The following DLG1 variants were observed in gnomAD, a reference collection of about 807,000 sequenced individuals.
DLG1 encodes the protein discs large MAGUK scaffold protein 1.
A neutral mutation model predicts 123.4 loss-of-function variants in DLG1; 42 were observed. That is an observed-to-expected ratio of 0.34 (90% CI 0.27 to 0.44). DLG1 has a LOEUF of 0.44. DLG1 is among the 20% of genes least tolerant of loss of function. The probability of loss-of-function intolerance (pLI) is 1.00; values close to 1 mark genes in which losing one functional copy is unlikely to be tolerated. For missense variants in DLG1, 942 were observed against 1,082.6 expected (o/e 0.87, Z 1.82); for synonymous variants, 317 against 356.2 (o/e 0.89, Z 1.24).
intron 4 of DLG1, among the ~76,000 whole-genome samples, chr3:197,234,414 A>C (rs1038736946): frequency 6.6e-5 from 10 of 152,348 alleles, no homozygotes; most frequent in East Asian, 1.9e-4. Context: ...GGATGAATTT[A>C]GGAGTAGAGT....
chr3:197,059,892 A>AT lies in DLG1; in HGVS notation c.2479dup (p.Ile827AsnfsTer6), dbSNP rs1380358812. The AT allele has an allele frequency of 6.2e-7, 1 of 1,607,454 alleles. No individual in the cohort carries two copies. ...TGCCTTAGGCATTTACACTTACATG[A>AT]TATTTTCCATGGATTTGGGTTTAAT... On this transcript the variant is annotated frameshift_variant, in exon 23 of 25. Coordinates refer to ENST00000667157, the MANE Select transcript of DLG1 (RefSeq NM_001366207.1). LOFTEE classifies it high-confidence loss of function.
intron 18 of DLG1, among the ~76,000 whole-genome samples, chr3:197,072,427 G>A (rs180822030): frequency 3.0e-4 from 45 of 152,114 alleles, no homozygotes; most frequent in Admixed American, 2.2e-3. Context: ...CACTCTCTCC[G>A]TCATGGGTTT....
At position 197,111,021 on chromosome 3, in the gene DLG1, G is replaced by T. The variant is rs752234718; in HGVS notation, c.1443+4906C>A. ...ACACGGAGGTTTTCAAAGGCCTTAT[G>T]GAGAATTCACTCCTCCAATTTTCCT... On this transcript the variant is annotated intron_variant, in intron 13 of 24. Transcript: ENST00000667157. Among the ~76,000 whole-genome samples the T allele has an allele frequency of 2.4e-4, 37 of 152,260 alleles. 1 individual carries two copies. The Middle Eastern group carries it at 0.02, about 84-fold the overall frequency.
At chr3:197,092,390 G>A (rs1355950713) in intron 14 of DLG1, among the ~76,000 whole-genome samples, 1 of 152,192 alleles carries the variant, frequency 6.6e-6, no homozygotes, top group Non-Finnish European at 1.5e-5. Flanking sequence ...TTACAACAGT[G>A]AATTAGACCA....
intron 4 of DLG1, among the ~76,000 whole-genome samples, chr3:197,204,843 C>T (rs926305528): frequency 1.3e-5 from 2 of 152,090 alleles, no homozygotes; most frequent in Non-Finnish European, 2.9e-5. Context: ...TTTTGGTATC[C>T]TGAACCCAAT....
intron 4 of DLG1, among the ~76,000 whole-genome samples, chr3:197,266,164 A>G (rs536668430): frequency 5.3e-5 from 8 of 152,324 alleles, no homozygotes; most frequent in African/African-American, 1.9e-4. Flanking sequence ...CTAGGCCCCC[A>G]AAAGGTAAAA....
chr3:197,277,563 A>G (rs1030656372), intron 4 of DLG1, among the ~76,000 whole-genome samples: 3 of 151,190 alleles, frequency 2.0e-5, no homozygotes, highest in African/African-American at 7.3e-5. Context: ...CTGGTCTTGA[A>G]CTCCTGACCT....
At chr3:197,224,573 C>T (rs1000915943) in intron 4 of DLG1, among the ~76,000 whole-genome samples, 4 of 152,050 alleles carry the variant, frequency 2.6e-5, no homozygotes, top group African/African-American at 4.8e-5. Context: ...ACAACCAATA[C>T]GAATGTTAAA....
intron 24 of DLG1, among the ~76,000 whole-genome samples, chr3:197,045,053 A>C (rs1310255830): frequency 1.3e-5 from 2 of 152,048 alleles, no homozygotes; most frequent in Non-Finnish European, 2.9e-5. Flanking sequence ...CCATAAACAT[A>C]TGTAGAAAAA....
rs71623339 is a variant in DLG1, at chr3:197,158,634, CAAAAAAAA to C, written c.484-8846_484-8839del. Among the ~76,000 whole-genome samples, 47 of 67,494 alleles carry C rather than the reference CAAAAAAAA, an allele frequency of 7.0e-4. 1 individual carries two copies. In the East Asian group the frequency reaches 0.021, roughly 30 times the overall value. 44.3% of individuals were successfully genotyped at this position (67,494 alleles called of 152,430 possible). A position where few individuals can be genotyped will look rare whatever the true frequency, so the allele number is the denominator to read the frequency against. On this transcript the variant is annotated intron_variant, in intron 5 of 24. Coordinates refer to ENST00000667157, the MANE Select transcript of DLG1 (RefSeq NM_001366207.1). ...GGGTAACAAGAGCAAAACTCCATTTCAAAAAAAAAAAAAAAAAAAAAAAGCCCAGAGGC... is the reference window on the plus strand; with the variant it reads ...GGGTAACAAGAGCAAAACTCCATTTCAAAAAAAAAAAAAAAGCCCAGAGGC...
chr3:197,171,377 G>C (rs548225653), intron 5 of DLG1, among the ~76,000 whole-genome samples: 5 of 152,224 alleles, frequency 3.3e-5, no homozygotes, highest in Admixed American at 2.6e-4. Flanking sequence ...AGCCGGTATA[G>C]TAAAAAACCA....
At chr3:197,273,218 G>A (rs187515309) in intron 4 of DLG1, among the ~76,000 whole-genome samples, 119 of 150,596 alleles carry the variant, frequency 7.9e-4, no homozygotes, top group Non-Finnish European at 1.4e-3. Flanking sequence ...GTGTATGTGT[G>A]TGTATATATA....
chr3:197,044,666 T>G lies in DLG1; in HGVS notation c.2639A>C (p.Gln880Pro), dbSNP rs776026149. ...YNQVKQIIEEQSGSYIWVPAK... is the reference protein window; with the variant it reads ...YNQVKQIIEEPSGSYIWVPAK... ...CGGAACCCAGATGTAAGAACCAGAT[T>G]GTTCTTCTATGATCTGTTTCACTTG... The change falls in exon 25 of 25, where the codon CAA becomes CCA. Residue 880 changes from glutamine (Q) to proline (P), a missense_variant. By Grantham distance (76) the Gln-to-Pro change is moderately conservative. Coordinates refer to ENST00000667157, the MANE Select transcript of DLG1 (RefSeq NM_001366207.1). The G allele has an allele frequency of 2.4e-5, 38 of 1,610,816 alleles. No homozygotes were observed. The highest frequency in any genetic ancestry group is 3.2e-5 in the Non-Finnish European group (38 of 1,178,222).
chr3:197,184,016 T>C (rs1476297793), intron 5 of DLG1: 9 of 1,337,492 alleles, frequency 6.7e-6, no homozygotes, highest in South Asian at 2.1e-5. Flanking sequence ...GTTAGCTGTA[T>C]GATGGCTGAG....
chr3:197,278,884 C>T (rs1767852745), intron 4 of DLG1, among the ~76,000 whole-genome samples: 1 of 152,140 alleles, frequency 6.6e-6, no homozygotes, highest in Admixed American at 6.5e-5. Context: ...CAAAAGCAAA[C>T]ATGAAGTCAA....
rs71623339 is a variant in DLG1, at chr3:197,158,634, C to CAAAAAAAAAAAAAAAAAAAAAAAA, written c.484-8839_484-8838insTTTTTTTTTTTTTTTTTTTTTTTT. On this transcript the variant is annotated intron_variant, in intron 5 of 24. Coordinates refer to ENST00000667157, the MANE Select transcript of DLG1 (RefSeq NM_001366207.1). ...GGGTAACAAGAGCAAAACTCCATTT[C>CAAAAAAAAAAAAAAAAAAAAAAAA]AAAAAAAAAAAAAAAAAAAAAAAGC... Among the ~76,000 whole-genome samples the CAAAAAAAAAAAAAAAAAAAAAAAA allele has an allele frequency of 4.3e-4, 29 of 67,488 alleles. 1 individual carries two copies. Among genetic ancestry groups the CAAAAAAAAAAAAAAAAAAAAAAAA allele is most frequent in the African/African-American group, 6.6e-4 (12 of 18,130 alleles). 44.3% of individuals were successfully genotyped at this position (67,488 alleles called of 152,430 possible).
intron 19 of DLG1, among the ~76,000 whole-genome samples, chr3:197,067,308 ATAAATT>A (rs964591170): frequency 1.3e-5 from 2 of 152,072 alleles, no homozygotes; most frequent in African/African-American, 4.8e-5. Flanking sequence ...TAAAAAAATA[ATAAATT>A]TAATGTGAGT....
chr3:197,153,448 C>CT (rs1272700398), intron 5 of DLG1, among the ~76,000 whole-genome samples: 2 of 152,208 alleles, frequency 1.3e-5, no homozygotes, highest in Non-Finnish European at 2.9e-5. Context: ...CCTCAGTCAA[C>CT]TGTGTACCGC....
At chr3:197,276,423 TTCC>T (rs1381395706) in intron 4 of DLG1, among the ~76,000 whole-genome samples, 1 of 152,204 alleles carries the variant, frequency 6.6e-6, no homozygotes, top group Non-Finnish European at 1.5e-5. Flanking sequence ...GAGCTTCTGT[TTCC>T]TCCTATTTAT....
Sources: allele counts gnomAD v4.1 joint callset (sites outside exome capture counted in the v4.1 genomes callset), GRCh38; gene constraint gnomAD v4.1.1; transcripts MANE v1.5; gene names NCBI Gene and HGNC (gene_info 2026-07-23, HGNC 2026-07-21).